Variants in EYS observed in about 807,000 individuals in gnomAD.
EYS encodes the protein protein eyes shut homolog.
Under a neutral mutation model 282.1 loss-of-function variants are expected in EYS, and 250 were observed. The observed-to-expected ratio is 0.89, with a 90% confidence interval of 0.80 to 0.98. The LOEUF is 0.98. Ranked by LOEUF, EYS falls within the 50% of genes least tolerant of loss-of-function variation. The pLI, the probability that EYS is intolerant of heterozygous loss-of-function variation, is 0.00. For synonymous variants in EYS, 1,355 were observed against 1,282.9 expected, an observed-to-expected ratio of 1.06 and a Z score of -1.20; for missense variants, 4,016 against 3,709.0, an observed-to-expected ratio of 1.08 and a Z score of -2.15.
intron 2 of EYS, among the ~76,000 whole-genome samples, chr6:65,600,588 C>T (rs1562280947): frequency 6.6e-6 from 1 of 151,972 alleles, no homozygotes; most frequent in Non-Finnish European, 1.5e-5. Context: ...AGCATAATGT[C>T]CCCTCGTGAA....
chr6:64,969,479 A>G (rs1394230094), intron 14 of EYS, among the ~76,000 whole-genome samples: 2 of 152,150 alleles, frequency 1.3e-5, no homozygotes, highest in African/African-American at 4.8e-5. Flanking sequence ...TTAAAGAATG[A>G]AACTTAGGGG....
chr6:64,325,481 C>A (rs1230521723), intron 29 of EYS, among the ~76,000 whole-genome samples: 1 of 152,158 alleles, frequency 6.6e-6, no homozygotes, highest in Non-Finnish European at 1.5e-5. Flanking sequence ...AGATAACCAA[C>A]TCTGGTAATA....
rs58326040 is a variant in EYS at position 65,506,460 on chromosome 6, C to CTTTTTTTTTTTTTTTTTTTTTTTTT, written c.-332-10492_-332-10468dup. ...GGTTTACAATATCCTTCCTTCCTTT[C>CTTTTTTTTTTTTTTTTTTTTTTTTT]TTTTTTTTTTTTTTTTTTTTTTTTT... On this transcript the variant is annotated intron_variant, in intron 2 of 42. Coordinates refer to ENST00000503581, the MANE Select transcript of EYS (RefSeq NM_001142800.2). Among the ~76,000 whole-genome samples the CTTTTTTTTTTTTTTTTTTTTTTTTT allele has an allele frequency of 1.2e-4, 8 of 64,858 alleles. 2 individuals are homozygous for CTTTTTTTTTTTTTTTTTTTTTTTTT. Among genetic ancestry groups the CTTTTTTTTTTTTTTTTTTTTTTTTT allele is most frequent in the Non-Finnish European group, 2.2e-4 (8 of 35,804 alleles). 42.5% of individuals were successfully genotyped at this position (64,858 alleles called of 152,430 possible). A position where few individuals can be genotyped will look rare whatever the true frequency, so the allele number is the denominator to read the frequency against.
chr6:64,471,748 A>G (rs1776127768), intron 26 of EYS, among the ~76,000 whole-genome samples: 1 of 152,212 alleles, frequency 6.6e-6, no homozygotes, highest in Non-Finnish European at 1.5e-5. Context: ...TACAATTTGT[A>G]TGGAATCACA....
intron 9 of EYS, among the ~76,000 whole-genome samples, chr6:65,348,725 T>C (rs1770492251): frequency 6.6e-6 from 1 of 151,572 alleles, no homozygotes; most frequent in Non-Finnish European, 1.5e-5. Context: ...TGCTGTGAGC[T>C]CATTTGTCTA....
intron 24 of EYS, among the ~76,000 whole-genome samples, chr6:64,602,301 T>C (rs1343342680): frequency 6.6e-6 from 1 of 151,962 alleles, no homozygotes; most frequent in Non-Finnish European, 1.5e-5. Flanking sequence ...GGTTAAAGAG[T>C]TGAGCAAGCA....
chr6:64,433,402 C>CT (rs755135579), intron 28 of EYS, among the ~76,000 whole-genome samples: 1 of 151,876 alleles, frequency 6.6e-6, no homozygotes, highest in African/African-American at 2.4e-5. Context: ...GTGTTTTTGA[C>CT]TTTTTTTCCC....
At chr6:64,924,308 G>T (rs1768443079) in intron 15 of EYS, among the ~76,000 whole-genome samples, 1 of 152,124 alleles carries the variant, frequency 6.6e-6, no homozygotes, top group East Asian at 1.9e-4. Flanking sequence ...GGGACACAGG[G>T]CACCAAGTCC....
In EYS at chr6:64,307,083, CTGAGAG is replaced by C; in HGVS notation, c.6079-7_6079-2del. The C allele has an allele frequency of 8.2e-7, 1 of 1,212,438 alleles. No homozygotes were observed. The highest frequency in any genetic ancestry group is 2.6e-5 in the East Asian group (1 of 38,206). 75.1% of individuals were successfully genotyped at this position (1,212,438 alleles called of 1,614,324 possible). On this transcript the variant is annotated splice_acceptor_variant and splice_polypyrimidine_tract_variant and intron_variant, in intron 29 of 42. Transcript: ENST00000503581. LOFTEE classifies it high-confidence loss of function. ...TAAAATTCTTGACTGGTACAGGCAT[CTGAGAG>C]AGAGAGAGAGAGAGAGAAGTAGAGA...
chr6:64,821,785 G>A, intron 20 of EYS, 62 bp from the exon 21 acceptor site: 1 of 974,082 alleles, frequency 1.0e-6, no homozygotes, highest in Non-Finnish European at 1.5e-6. Context: ...AACTTCAAGG[G>A]AGTTTCACCA....
chr6:65,673,120 T>G (rs949336735), intron 1 of EYS, among the ~76,000 whole-genome samples: 1 of 152,144 alleles, frequency 6.6e-6, no homozygotes, highest in African/African-American at 2.4e-5. Context: ...ACAGGGGATA[T>G]GATGGCTTAG....
intron 1 of EYS, among the ~76,000 whole-genome samples, chr6:65,684,428 G>C (rs746386090): frequency 2.0e-4 from 30 of 152,032 alleles, no homozygotes; most frequent in Non-Finnish European, 3.8e-4. Flanking sequence ...ACGTTCAAAA[G>C]AATGTAGAGA....
At chr6:63,938,746 T>C (rs147286411) in intron 35 of EYS, among the ~76,000 whole-genome samples, 2 of 152,334 alleles carry the variant, frequency 1.3e-5, no homozygotes, top group East Asian at 3.9e-4. Flanking sequence ...ATGAGTTGGA[T>C]ATATAAAAAT....
At chr6:65,263,916 T>C (rs541689179) in intron 12 of EYS, among the ~76,000 whole-genome samples, 39 of 150,012 alleles carry the variant, frequency 2.6e-4, no homozygotes, top group Non-Finnish European at 5.3e-4. Context: ...TGTCTCTCAA[T>C]AAAAAACAAG....
intron 22 of EYS, among the ~76,000 whole-genome samples, chr6:64,648,666 T>C (rs1249105730): frequency 1.3e-5 from 2 of 152,168 alleles, no homozygotes; most frequent in Non-Finnish European, 2.9e-5. Flanking sequence ...GTAAACGATT[T>C]ATAATCATCA....
At chr6:65,311,237 A>T (rs1769150928) in intron 11 of EYS, among the ~76,000 whole-genome samples, 1 of 152,204 alleles carries the variant, frequency 6.6e-6, no homozygotes, top group South Asian at 2.1e-4. Context: ...TAAACAAAGT[A>T]CTTGGACATG....
rs571337742 is a variant in EYS, at chr6:65,585,276, G to C, written c.-333+54502C>G. Among the ~76,000 whole-genome samples the C allele has an allele frequency of 5.9e-5, 9 of 151,806 alleles. 1 individual carries two copies. The highest frequency in any genetic ancestry group is 2.2e-4 in the African/African-American group (9 of 41,468). The stretch of plus-strand genomic sequence containing the variant: ...TATTTACCAAAGTTATAGCTCTTTC[G>C]AATGATTATTGCTAATGTATTCATC... On this transcript the variant is annotated intron_variant, in intron 2 of 42. Transcript: ENST00000503581.
At chr6:65,216,189 T>C (rs1261510232) in intron 12 of EYS, among the ~76,000 whole-genome samples, 2 of 152,090 alleles carry the variant, frequency 1.3e-5, no homozygotes, top group Non-Finnish European at 1.5e-5. Flanking sequence ...ATTAAGTTCA[T>C]CTTTTGTTCA....
At chr6:65,457,327 G>C (rs1360482746) in intron 5 of EYS, among the ~76,000 whole-genome samples, 2 of 152,042 alleles carry the variant, frequency 1.3e-5, no homozygotes, top group Non-Finnish European at 1.5e-5. Context: ...ACCATGCTCA[G>C]CTAATTCTTT....
Sources: gnomAD v4.1 joint callset for allele counts (sites outside exome capture counted in the v4.1 genomes callset) on GRCh38, gnomAD v4.1.1 for gene constraint, MANE v1.5 for transcripts, NCBI Gene and HGNC (gene_info 2026-07-23, HGNC 2026-07-21) for gene names.